The following HMGCLL1 variants were observed in gnomAD, a reference collection of about 807,000 sequenced individuals.
HMGCLL1 encodes the protein 3-hydroxy-3-methylglutaryl-CoA lyase like 1, also known as 3-hydroxymethyl-3-methylglutaryl-CoA lyase, cytoplasmic.
Under a neutral mutation model 39.1 loss-of-function variants are expected in HMGCLL1, and 36 were observed. That is an observed-to-expected ratio of 0.92 (90% CI 0.71 to 1.22). The LOEUF is 1.22. Ranked by LOEUF, HMGCLL1 falls within the 50% of genes most tolerant of loss-of-function variation. HMGCLL1 has a pLI of 0.00. For missense variants in HMGCLL1, 451 were observed against 416.5 expected (o/e 1.08, Z -0.72); for synonymous variants, 149 against 144.0 (o/e 1.03, Z -0.25).
intron 1 of HMGCLL1, among the ~76,000 whole-genome samples, chr6:55,570,946 G>A (rs1771452172): frequency 6.6e-6 from 1 of 152,190 alleles, no homozygotes; most frequent in African/African-American, 2.4e-5. Flanking sequence ...GAGAGAGAAT[G>A]AGAGCCAAGC....
chr6:55,586,248 T>G, the HMGCLL1 span, among the ~76,000 whole-genome samples: 1 of 151,938 alleles, frequency 6.6e-6, no homozygotes, highest in Non-Finnish European at 1.5e-5. Context: ...ACTATGATAA[T>G]AAGAGAACAC....
chr6:55,647,970 C>A, the HMGCLL1 span, among the ~76,000 whole-genome samples: 1 of 108,518 alleles, frequency 9.2e-6, no homozygotes, highest in African/African-American at 3.8e-5. Flanking sequence ...CTTCCTGTGT[C>A]CAAGTGATCT....
At chr6:55,667,353 A>G in the HMGCLL1 span, among the ~76,000 whole-genome samples, 4 of 151,820 alleles carry the variant, frequency 2.6e-5, no homozygotes, top group African/African-American at 7.2e-5. Context: ...GAAGTTACCA[A>G]GTGTGTACTA....
intron 7 of HMGCLL1, among the ~76,000 whole-genome samples, chr6:55,464,535 A>G (rs1000771490): frequency 3.3e-5 from 5 of 152,160 alleles, no homozygotes; most frequent in Admixed American, 3.3e-4. Flanking sequence ...CCTCACACTC[A>G]GTTCTGAATT....
chr6:55,646,195 T>A, the HMGCLL1 span, among the ~76,000 whole-genome samples: 3 of 151,930 alleles, frequency 2.0e-5, no homozygotes, highest in Non-Finnish European at 4.4e-5. Flanking sequence ...TTACTCACAG[T>A]AGCCACTAAT....
chr6:55,443,738 G>GT (rs1763703261), intron 7 of HMGCLL1, among the ~76,000 whole-genome samples: 1 of 151,440 alleles, frequency 6.6e-6, no homozygotes, highest in Non-Finnish European at 1.5e-5. Flanking sequence ...CTGTAACACT[G>GT]TATTTTATAC....
the HMGCLL1 span, among the ~76,000 whole-genome samples, chr6:55,667,052 A>T: frequency 6.6e-6 from 1 of 151,492 alleles, no homozygotes; most frequent in African/African-American, 2.4e-5. Flanking sequence ...AGAGCATTGT[A>T]TCTTGTGTTT....
At chr6:55,474,729 G>T (rs2127406055) in intron 7 of HMGCLL1, among the ~76,000 whole-genome samples, 1 of 151,542 alleles carries the variant, frequency 6.6e-6, no homozygotes, top group African/African-American at 2.4e-5. Context: ...ATTGTATCTG[G>T]TAATAGTAAC....
rs187146866 is a variant in HMGCLL1 at position 55,463,330 on chromosome 6, C to G, written c.796-23771G>C. ...TACAGGAGTGAGCCACTGTGCCCGG[C>G]CCCAGTCTTTAGCTGAGAAGAGAGA... On this transcript the variant is annotated intron_variant, in intron 7 of 8. Coordinates refer to ENST00000274901, the MANE Select transcript of HMGCLL1 (RefSeq NM_001042406.2). 2.0e-3 allele frequency among the ~76,000 whole-genome samples: 305 copies of G among 152,128 alleles called. 2 individuals carry two copies. The highest frequency in any genetic ancestry group is 4.6e-3 in the East Asian group (24 of 5,164).
chr6:55,493,718 GTTTT>G (rs1160497836), intron 7 of HMGCLL1, among the ~76,000 whole-genome samples: 4 of 126,816 alleles, frequency 3.2e-5, no homozygotes, highest in African/African-American at 1.3e-4. Flanking sequence ...TTCTGTTTTT[GTTTT>G]TTTTGTTTTT....
chr6:55,650,133 A>ATATATATATATAT, the HMGCLL1 span, among the ~76,000 whole-genome samples: 16 of 67,228 alleles, frequency 2.4e-4, no homozygotes, highest in East Asian at 5.9e-4. Context: ...ATATATATAT[A>ATATATATATATAT]TACACACACA....
At chr6:55,619,235 A>G in the HMGCLL1 span, among the ~76,000 whole-genome samples, 370 of 152,244 alleles carry the variant, frequency 2.4e-3, no homozygotes, top group Non-Finnish European at 4.5e-3. Flanking sequence ...CTGTGCACTC[A>G]TGTGTTACGA....
the HMGCLL1 span, among the ~76,000 whole-genome samples, chr6:55,674,589 G>T: frequency 6.6e-6 from 1 of 151,940 alleles, no homozygotes. Context: ...ATGCAAATGA[G>T]CTAGATAACC....
the HMGCLL1 span, among the ~76,000 whole-genome samples, chr6:55,609,309 A>T: frequency 3.3e-5 from 5 of 152,148 alleles, no homozygotes; most frequent in African/African-American, 1.2e-4. Flanking sequence ...GGCAGCAGCC[A>T]TCACTGTATC....
chr6:55,643,804 G>C, the HMGCLL1 span, among the ~76,000 whole-genome samples: 19 of 151,864 alleles, frequency 1.3e-4, no homozygotes, highest in African/African-American at 4.4e-4. Context: ...CTTTCTTATA[G>C]CTGAATGACA....
the HMGCLL1 span, among the ~76,000 whole-genome samples, chr6:55,594,198 T>A: frequency 2.0e-5 from 3 of 152,328 alleles, no homozygotes; most frequent in Admixed American, 6.5e-5. Context: ...AATCTAATGA[T>A]TCTGAATTAT....
At chr6:55,594,168 C>A in the HMGCLL1 span, among the ~76,000 whole-genome samples, 5 of 152,122 alleles carry the variant, frequency 3.3e-5, no homozygotes, top group Non-Finnish European at 5.9e-5. Flanking sequence ...GAAGTGAATT[C>A]ATAATTATAA....
At chr6:55,603,735 A>T in the HMGCLL1 span, among the ~76,000 whole-genome samples, 2 of 152,168 alleles carry the variant, frequency 1.3e-5, no homozygotes, top group Non-Finnish European at 2.9e-5. Flanking sequence ...CAGTGAGCGT[A>T]CTTAACTCTG....
At chr6:55,451,451 C>T (rs1376725015) in intron 7 of HMGCLL1, among the ~76,000 whole-genome samples, 1 of 151,974 alleles carries the variant, frequency 6.6e-6, no homozygotes, top group Admixed American at 6.6e-5. Context: ...GGCAAAACCC[C>T]GTCTCCACTA....
Sources: allele counts gnomAD v4.1 joint callset (sites outside exome capture counted in the v4.1 genomes callset), GRCh38; gene constraint gnomAD v4.1.1; transcripts MANE v1.5; gene names NCBI Gene and HGNC (gene_info 2026-07-23, HGNC 2026-07-21).